TMEM114: variants seen among roughly 807,000 people sequenced by gnomAD.
TMEM114 encodes transmembrane protein 114, also known as claudin-26.
In TMEM114, 6 loss-of-function variants were observed where a neutral mutation model predicts 6.2. That is an observed-to-expected ratio of 0.97 (90% CI 0.53 to 1.91). TMEM114 has a LOEUF of 1.91. Among genes scored for constraint, TMEM114 ranks in the 40% most tolerant of loss-of-function variants. TMEM114 has a pLI of 0.01. For missense variants in TMEM114, 218 were observed against 158.3 expected, an observed-to-expected ratio of 1.38 and a Z score of -2.02; for synonymous variants, 104 against 73.0, an observed-to-expected ratio of 1.42 and a Z score of -2.16.
chr16:8,535,521 T>C (rs1393927206), downstream of TMEM114, among the ~76,000 whole-genome samples: 1 of 152,178 alleles, frequency 6.6e-6, no homozygotes, highest in African/African-American at 2.4e-5. Flanking sequence ...ATTGCCAGTT[T>C]ATTACTTTTT....
intron 2 of TMEM114, among the ~76,000 whole-genome samples, chr16:8,573,218 G>A (rs1471684055): frequency 6.6e-6 from 1 of 152,158 alleles, no homozygotes; most frequent in Non-Finnish European, 1.5e-5. Flanking sequence ...CTCAGGGCTT[G>A]AAGACCACGT....
At chr16:8,586,437 C>CT (rs1486790513) in intron 2 of TMEM114, among the ~76,000 whole-genome samples, 1 of 152,134 alleles carries the variant, frequency 6.6e-6, no homozygotes, top group African/African-American at 2.4e-5. Flanking sequence ...CAGAAGGCCT[C>CT]TGTTTTGTAG....
downstream of TMEM114, among the ~76,000 whole-genome samples, chr16:8,566,801 G>A (rs145400836): frequency 4.4e-3 from 667 of 152,062 alleles, 4 homozygotes; most frequent in African/African-American, 0.014. Context: ...TTCTTCATGC[G>A]GGTCTCAGCA....
the TMEM114 span, among the ~76,000 whole-genome samples, chr16:8,528,492 C>T: frequency 6.6e-6 from 1 of 152,116 alleles, no homozygotes; most frequent in Non-Finnish European, 1.5e-5. Context: ...CCTCTCACAC[C>T]AAGGGGGAGC....
At chr16:8,536,157 G>A (rs531729184), downstream of TMEM114, among the ~76,000 whole-genome samples, 3 of 151,668 alleles carry the variant, frequency 2.0e-5, no homozygotes, top group African/African-American at 4.8e-5. Flanking sequence ...CCTGGGAGGC[G>A]GAGGTTGCAG....
intron 2 of TMEM114, 101 bp from the exon 3 acceptor site, chr16:8,572,325 C>T: frequency 7.6e-7 from 1 of 1,307,526 alleles, no homozygotes; most frequent in South Asian, 1.3e-5. Flanking sequence ...TGGGGAAAAT[C>T]CACACTGTCA....
At chr16:8,586,779 G>A (rs1285493009) in intron 2 of TMEM114, among the ~76,000 whole-genome samples, 1 of 152,084 alleles carries the variant, frequency 6.6e-6, no homozygotes, top group Admixed American at 6.6e-5. Context: ...CAAAGTGCTG[G>A]GATTACAGAC....
chr16:8,589,378 C>T, intron 1 of TMEM114, 85 bp from the exon 2 acceptor site: 1 of 398,740 alleles, frequency 2.5e-6, no homozygotes, highest in Non-Finnish European at 4.4e-6. Context: ...CCATGCTCAC[C>T]CTAAGTGCCC....
At chr16:8,566,579 C>T (rs1249320335), downstream of TMEM114, among the ~76,000 whole-genome samples, 3 of 152,154 alleles carry the variant, frequency 2.0e-5, no homozygotes, top group African/African-American at 4.8e-5. Flanking sequence ...CAGAATGGAA[C>T]AGCATCCCAA....
chr16:8,576,614 C>T (rs764978226), intron 2 of TMEM114, among the ~76,000 whole-genome samples: 1 of 152,116 alleles, frequency 6.6e-6, no homozygotes, highest in Non-Finnish European at 1.5e-5. Context: ...TATTCTTGCA[C>T]ATCCCTGAAT....
chr16:8,555,718 G>C (rs1596474017), intron 2 of TMEM114, among the ~76,000 whole-genome samples: 2 of 152,156 alleles, frequency 1.3e-5, no homozygotes, highest in South Asian at 2.1e-4. Context: ...TCTTCCAGGG[G>C]ACACCTGGCA....
At chr16:8,552,945 T>G (rs886192422) in intron 2 of TMEM114, among the ~76,000 whole-genome samples, 2 of 152,230 alleles carry the variant, frequency 1.3e-5, no homozygotes, top group Non-Finnish European at 2.9e-5. Flanking sequence ...TTAAGCTGCC[T>G]GTATTTAAAC....
downstream of TMEM114, among the ~76,000 whole-genome samples, chr16:8,564,606 GGAATGAGTGAGTGAATGAGTGAGTGAGT>G (rs1901455656): frequency 7.9e-6 from 1 of 127,148 alleles, no homozygotes; most frequent in South Asian, 2.9e-4. Context: ...ACGGAGGGAG[GGAATGAGTGAGTGAATGAGTGAGTGAGT>G]GAATGAGTGA....
intron 2 of TMEM114, among the ~76,000 whole-genome samples, chr16:8,549,125 T>C (rs1900761626): frequency 7.3e-6 from 1 of 136,164 alleles, no homozygotes; most frequent in African/African-American, 2.8e-5. Context: ...GAGCTTGCAG[T>C]GAGCCGAGAT....
intron 2 of TMEM114, among the ~76,000 whole-genome samples, chr16:8,552,940 C>T (rs980858590): frequency 1.3e-5 from 2 of 152,200 alleles, no homozygotes; most frequent in Admixed American, 6.5e-5. Flanking sequence ...ACCACTTAAG[C>T]TGCCTGTATT....
intron 2 of TMEM114, among the ~76,000 whole-genome samples, chr16:8,551,157 A>G (rs7195734): frequency 0.44 from 67,509 of 151,756 alleles, 15,720 homozygotes; most frequent in African/African-American, 0.57. Context: ...GATCCCCTAG[A>G]ATTCTGGTTT....
At chr16:8,558,550 T>A (rs887034035) in intron 2 of TMEM114, among the ~76,000 whole-genome samples, 5 of 152,212 alleles carry the variant, frequency 3.3e-5, no homozygotes, top group Non-Finnish European at 7.3e-5. Flanking sequence ...AGACCGCTTT[T>A]CCTAAGTAAG....
chr16:8,548,908 C>T (rs1190818741), intron 2 of TMEM114, among the ~76,000 whole-genome samples: 5 of 151,948 alleles, frequency 3.3e-5, no homozygotes, highest in East Asian at 1.9e-4. Context: ...TCTCGCCAGG[C>T]GCAGTGGCTC....
chr16:8,539,288 C>T (rs1006898827), intron 2 of TMEM114, among the ~76,000 whole-genome samples: 3 of 152,038 alleles, frequency 2.0e-5, no homozygotes, highest in African/African-American at 4.8e-5. Flanking sequence ...ACACAAGATT[C>T]GGGAGTCCTT....
Sources: allele counts gnomAD v4.1 joint callset (sites outside exome capture counted in the v4.1 genomes callset), GRCh38; gene constraint gnomAD v4.1.1; transcripts MANE v1.5; gene names NCBI Gene and HGNC (gene_info 2026-07-23, HGNC 2026-07-21).